Variants in GNAL observed in about 807,000 individuals in gnomAD.
GNAL encodes G protein subunit alpha L.
GNAL carries 18 observed loss-of-function variants against 55.1 expected under a neutral mutation model. That is an observed-to-expected ratio of 0.33 (90% CI 0.23 to 0.48). GNAL has a LOEUF of 0.48. GNAL is among the 20% of genes least tolerant of loss of function. GNAL has a pLI of 0.99. For synonymous variants in GNAL, 253 were observed against 237.0 expected (o/e 1.07, Z -0.62); for missense variants, 412 against 614.1 (o/e 0.67, Z 3.48).
chr18:11,831,591 T>G (rs1194244664), intron 5 of GNAL, among the ~76,000 whole-genome samples: 1 of 152,250 alleles, frequency 6.6e-6, no homozygotes, highest in Non-Finnish European at 1.5e-5. Flanking sequence ...GAAGCTGGTA[T>G]TGAGCCAAAG....
At chr18:11,861,173 G>A (rs374306595) in intron 5 of GNAL, among the ~76,000 whole-genome samples, 2 of 152,154 alleles carry the variant, frequency 1.3e-5, no homozygotes, top group African/African-American at 4.8e-5. Flanking sequence ...CCTCCAGGCC[G>A]TCCATCCTCT....
intron 8 of GNAL, among the ~76,000 whole-genome samples, chr18:11,867,558 T>A (rs2036292385): frequency 6.6e-6 from 1 of 152,022 alleles, no homozygotes; most frequent in Admixed American, 6.6e-5. Context: ...CTCATACCTG[T>A]AATCCCAGCA....
intron 4 of GNAL, among the ~76,000 whole-genome samples, chr18:11,767,536 G>C (rs796456758): frequency 4.6e-5 from 7 of 151,786 alleles, no homozygotes; most frequent in African/African-American, 1.7e-4. Flanking sequence ...GCTGTACTCT[G>C]TGAGCCCTTG....
At chr18:11,827,602 G>A (rs921196454) in intron 5 of GNAL, among the ~76,000 whole-genome samples, 18 of 151,984 alleles carry the variant, frequency 1.2e-4, no homozygotes, top group African/African-American at 4.1e-4. Flanking sequence ...GACAGAGCAA[G>A]GCTCGTCTCA....
At chr18:11,872,657 G>GT (rs1441029050) in intron 10 of GNAL, among the ~76,000 whole-genome samples, 2 of 152,194 alleles carry the variant, frequency 1.3e-5, no homozygotes, top group Non-Finnish European at 2.9e-5. Context: ...GGATGTGACT[G>GT]TGTCATGCTG....
At chr18:11,754,025 T>C (rs535954358) in intron 4 of GNAL, 80 bp downstream of exon 4, 4 of 1,006,080 alleles carry the variant, frequency 4.0e-6, no homozygotes, top group African/African-American at 3.2e-5. Context: ...AGAATCAATA[T>C]TGATACTAAT....
At chr18:11,723,757 C>T (rs1711843254) in intron 1 of GNAL, among the ~76,000 whole-genome samples, 1 of 152,210 alleles carries the variant, frequency 6.6e-6, no homozygotes, top group African/African-American at 2.4e-5. Flanking sequence ...TTCTTCTGTC[C>T]TCGGGCCCTG....
At position 11,719,754 on chromosome 18, in the gene GNAL, A is replaced by G. The variant is rs137923265; in HGVS notation, c.376+29815A>G. On this transcript the variant is annotated intron_variant, in intron 1 of 11. Transcript: ENST00000334049. Reference sequence around the variant, plus strand: ...GCTGTCATGGACAGTGCAGAGCTGCACTCACACCATGCTGCAGCAGCCATG... The same window carrying G: ...GCTGTCATGGACAGTGCAGAGCTGCGCTCACACCATGCTGCAGCAGCCATG... Among the ~76,000 whole-genome samples, 5 of 150,586 alleles carry G rather than the reference A, an allele frequency of 3.3e-5. No homozygotes were observed. The East Asian group carries it at 7.7e-4, about 23-fold the overall frequency.
At chr18:11,876,339 C>T (rs907818267) in intron 10 of GNAL, among the ~76,000 whole-genome samples, 3 of 151,990 alleles carry the variant, frequency 2.0e-5, no homozygotes, top group South Asian at 2.1e-4. Context: ...GGCGGGTGCC[C>T]GTAATTCCAG....
chr18:11,863,158 C>T (rs2855640), intron 6 of GNAL, among the ~76,000 whole-genome samples: 2 of 152,268 alleles, frequency 1.3e-5, no homozygotes, highest in African/African-American at 2.4e-5. Context: ...GGATTACAGG[C>T]GTGAGCCACC....
At chr18:11,876,832 C>A in intron 11 of GNAL, 144 bp downstream of exon 11, 1 of 652,208 alleles carries the variant, frequency 1.5e-6, no homozygotes, top group Admixed American at 2.5e-5. Context: ...TTTAATTTCA[C>A]AGCTGAGCAC....
intron 5 of GNAL, among the ~76,000 whole-genome samples, chr18:11,860,608 C>T (rs576145062): frequency 1.3e-5 from 2 of 152,002 alleles, no homozygotes; most frequent in African/African-American, 2.4e-5. Context: ...CTGTTAGGAC[C>T]GAGAGCTAAT....
At chr18:11,864,768 G>C (rs1259641231) in intron 7 of GNAL, among the ~76,000 whole-genome samples, 162 bp downstream of exon 7, 1 of 152,178 alleles carries the variant, frequency 6.6e-6, no homozygotes, top group Non-Finnish European at 1.5e-5. Flanking sequence ...TTGAAGTGTT[G>C]ATTTTACTGC....
chr18:11,875,833 A>T (rs1438035679), intron 10 of GNAL, among the ~76,000 whole-genome samples: 4 of 152,234 alleles, frequency 2.6e-5, no homozygotes, highest in Non-Finnish European at 4.4e-5. Context: ...GAAATGTATT[A>T]GTCACAGTAC....
At chr18:11,839,552 C>CAAAAAA (rs3078934) in intron 5 of GNAL, among the ~76,000 whole-genome samples, 6,126 of 81,618 alleles carry the variant, frequency 0.075, 476 homozygotes, top group African/African-American at 0.17. Context: ...GACCTTGCCT[C>CAAAAAA]AAAAAAAAAA....
intron 5 of GNAL, chr18:11,853,331 A>G (rs578003910): frequency 6.8e-4 from 114 of 167,248 alleles, no homozygotes; most frequent in African/African-American, 2.6e-3. Context: ...GCTGCCTGCC[A>G]TCTTCTCAGG....
At chr18:11,695,579 T>C (rs1470314814) in intron 1 of GNAL, among the ~76,000 whole-genome samples, 1 of 152,226 alleles carries the variant, frequency 6.6e-6, no homozygotes, top group Admixed American at 6.5e-5. Context: ...TTTTTCTTCA[T>C]CTTTCATTGA....
At chr18:11,848,487 C>G (rs2143768554) in intron 5 of GNAL, among the ~76,000 whole-genome samples, 1 of 147,686 alleles carries the variant, frequency 6.8e-6, no homozygotes. Context: ...GAAGGAGTCT[C>G]TCTCTGTCAC....
At chr18:11,715,460 C>CA (rs34339537) in intron 1 of GNAL, among the ~76,000 whole-genome samples, 3,973 of 67,238 alleles carry the variant, frequency 0.059, 162 homozygotes, top group African/African-American at 0.13. Context: ...GACTCCATCT[C>CA]AAAAAAAAAA....
Sources: gnomAD v4.1 joint callset for allele counts (sites outside exome capture counted in the v4.1 genomes callset) on GRCh38, gnomAD v4.1.1 for gene constraint, MANE v1.5 for transcripts, NCBI Gene and HGNC (gene_info 2026-07-23, HGNC 2026-07-21) for gene names.